GOLGA4: variants seen among roughly 807,000 people sequenced by gnomAD.
The protein encoded by GOLGA4 is golgin A4.
Under a neutral mutation model 265.9 loss-of-function variants are expected in GOLGA4, and 169 were observed. The ratio of observed to expected loss-of-function variants is 0.64; its 90% CI spans 0.56 to 0.72. GOLGA4 has a LOEUF of 0.72. Ranked by LOEUF, GOLGA4 falls within the 30% of genes least tolerant of loss-of-function variation. The pLI is 0.00. For synonymous variants in GOLGA4, 923 were observed against 855.8 expected (o/e 1.08, Z -1.37); for missense variants, 2,482 against 2,483.4 (o/e 1.00, Z 0.01).
rs772238822 is a variant in GOLGA4 at position 37,282,008 on chromosome 3, C to T, written c.213C>T (p.Ser71=). The T allele has an allele frequency of 2.0e-5, 32 of 1,613,968 alleles. 1 individual carries two copies. The highest frequency in any genetic ancestry group is 8.0e-5 in the African/African-American group (6 of 74,924). Residue 71 remains serine (S), a synonymous_variant, in exon 3 of 24, where the codon TCC becomes TCT. Transcript: ENST00000361924. ...FAQKLQLRVP[S]VESLFRSPIK... is the part of the protein sequence containing the mutation. Reference sequence around the variant, plus strand: ...AGAAGCTCCAGCTCCGGGTGCCCTCCGTGGAGTCTTTGTTTCGAAGTCCGA... The same window carrying T: ...AGAAGCTCCAGCTCCGGGTGCCCTCTGTGGAGTCTTTGTTTCGAAGTCCGA...
At chr3:37,243,864 C>T (rs771900454) in intron 1 of GOLGA4, 419 of 543,966 alleles carry the variant, frequency 7.7e-4, no homozygotes, top group Non-Finnish European at 1.2e-3. Context: ...CTGGATCCCT[C>T]GTGACATTCC....
At chr3:37,277,292 T>G (rs925996852) in intron 2 of GOLGA4, among the ~76,000 whole-genome samples, 2 of 152,194 alleles carry the variant, frequency 1.3e-5, no homozygotes, top group Non-Finnish European at 2.9e-5. Flanking sequence ...TCCTGTTAAT[T>G]TACCTGTTTG....
chr3:37,299,040 T>C lies in GOLGA4; in HGVS notation c.1002+20T>C. 6.5e-7 allele frequency: 1 copy of C among 1,548,382 alleles called. No individual in the cohort carries two copies. Among genetic ancestry groups the C allele is most frequent in the Non-Finnish European group, 8.7e-7 (1 of 1,144,918 alleles). On this transcript the variant is annotated intron_variant, in intron 8 of 23. Transcript: ENST00000361924. ...ATAAAGGTAAAAGAGCAGATGAGTT[T>C]TGTTCTAATTTAATCTATAAAGTTA... is the stretch of plus-strand genomic sequence containing the variant.
chr3:37,343,783 A>G (rs2097046971), intron 20 of GOLGA4, among the ~76,000 whole-genome samples: 1 of 152,204 alleles, frequency 6.6e-6, no homozygotes. Flanking sequence ...CTTTGCATGG[A>G]CAATAGTACT....
chr3:37,269,098 T>G (rs1157579460), intron 2 of GOLGA4, among the ~76,000 whole-genome samples: 3 of 152,222 alleles, frequency 2.0e-5, no homozygotes, highest in Non-Finnish European at 4.4e-5. Context: ...CAATATGTAA[T>G]TGAAGACAAG....
chr3:37,339,083 C>T (rs541714055), intron 19 of GOLGA4, among the ~76,000 whole-genome samples: 17 of 152,092 alleles, frequency 1.1e-4, no homozygotes, highest in South Asian at 2.1e-4. Context: ...AGGATGGTTT[C>T]GATCTCCTGA....
intron 1 of GOLGA4, chr3:37,250,067 G>T (rs1035123379): frequency 2.0e-5 from 3 of 152,208 alleles, no homozygotes; most frequent in Non-Finnish European, 4.4e-5. Flanking sequence ...GATTGGGTTA[G>T]TAAGTTTTCT....
intron 1 of GOLGA4, among the ~76,000 whole-genome samples, chr3:37,244,740 C>T (rs962394457): frequency 6.6e-6 from 1 of 152,202 alleles, no homozygotes. Flanking sequence ...TGTAGTAAAA[C>T]AGTGCTTGAG....
At position 37,340,022 on chromosome 3, in the gene GOLGA4, T is replaced by G. The variant is rs150794780; in HGVS notation, c.6397-102T>G. 1,908 of 553,872 alleles carry G rather than the reference T, an allele frequency of 3.4e-3. 39 individuals carry two copies. Among genetic ancestry groups the G allele is most frequent in the African/African-American group, 0.033 (1,672 of 50,466 alleles). The allele number at this position is 553,872 out of a possible 1,614,324, so 34.3% of individuals were successfully genotyped here. Reference sequence around the variant, plus strand: ...GTCTTAATTTTATTTGCCTATATTCTGTCTTCAGCATTAAAAAACCTTGTG... The same window carrying G: ...GTCTTAATTTTATTTGCCTATATTCGGTCTTCAGCATTAAAAAACCTTGTG... On this transcript the variant is annotated intron_variant, in intron 19 of 23. Coordinates refer to ENST00000361924, the MANE Select transcript of GOLGA4 (RefSeq NM_002078.5).
intron 22 of GOLGA4, among the ~76,000 whole-genome samples, chr3:37,356,883 T>C (rs2097092285): frequency 6.6e-6 from 1 of 152,192 alleles, no homozygotes; most frequent in Non-Finnish European, 1.5e-5. Flanking sequence ...ACTTTACTTC[T>C]ACTGCATTTT....
chr3:37,255,253 C>T (rs1365171584), intron 2 of GOLGA4, among the ~76,000 whole-genome samples: 1 of 151,948 alleles, frequency 6.6e-6, no homozygotes, highest in Non-Finnish European at 1.5e-5. Flanking sequence ...CTCCACCTCC[C>T]GGGTTCAAGC....
At position 37,323,743 on chromosome 3, in the gene GOLGA4, T is replaced by C. The variant is rs751210186; in HGVS notation, c.1857T>C (p.Leu619=). The C allele has an allele frequency of 6.2e-7, 1 of 1,613,854 alleles. No individual in the cohort carries two copies. The highest frequency in any genetic ancestry group is 1.1e-5 in the South Asian group (1 of 90,962). The change falls in exon 14 of 24, where the codon CTT becomes CTC. Residue 619 remains leucine (L), a synonymous_variant. Coordinates refer to ENST00000361924, the MANE Select transcript of GOLGA4 (RefSeq NM_002078.5). ...VEKHKTELES[L]KHQQDALWTE... is the part of the protein sequence containing the mutation. ...AACACAAGACAGAATTGGAAAGCCT[T>C]AAGCATCAGCAGGATGCCCTTTGGA... is the stretch of plus-strand genomic sequence containing the variant.
At chr3:37,262,622 G>A (rs1465380852) in intron 2 of GOLGA4, among the ~76,000 whole-genome samples, 2 of 152,076 alleles carry the variant, frequency 1.3e-5, no homozygotes, top group African/African-American at 2.4e-5. Flanking sequence ...GAACACTGTG[G>A]CTAGGCCTGA....
intron 16 of GOLGA4, among the ~76,000 whole-genome samples, chr3:37,329,886 T>C (rs903744323): frequency 5.7e-4 from 87 of 152,186 alleles, no homozygotes; most frequent in African/African-American, 2.0e-3. Flanking sequence ...AATCTTTTGG[T>C]GATTAAGAAT....
At chr3:37,299,042 G>T in intron 8 of GOLGA4, 22 bp downstream of exon 8, 1 of 1,550,126 alleles carries the variant, frequency 6.5e-7, no homozygotes, top group Non-Finnish European at 8.7e-7. Context: ...GATGAGTTTT[G>T]TTCTAATTTA....
intron 2 of GOLGA4, among the ~76,000 whole-genome samples, chr3:37,274,847 A>AG (rs1285171247): frequency 6.6e-6 from 1 of 152,170 alleles, no homozygotes; most frequent in Non-Finnish European, 1.5e-5. Flanking sequence ...GCATGAGTCT[A>AG]GACAAGTTGA....
In GOLGA4 at chr3:37,341,693, T is replaced by G. The variant is rs557047261; in HGVS notation, c.6472+1494T>G. 7.9e-5 allele frequency: 12 copies of G among 152,304 alleles called. No homozygotes were observed. In the South Asian group the frequency reaches 2.3e-3, roughly 29 times the overall value. The allele number at this position is 152,304 out of a possible 1,614,324, so 9.4% of individuals were successfully genotyped here. A position where few individuals can be genotyped will look rare whatever the true frequency, so the allele number is the denominator to read the frequency against. ...TGAATGCTCCCAATCTCATCTGATCTCAGAAGTTAAGCAGGGTCAGGCCTG... is the reference window on the plus strand; with the variant it reads ...TGAATGCTCCCAATCTCATCTGATCGCAGAAGTTAAGCAGGGTCAGGCCTG... On this transcript the variant is annotated intron_variant, in intron 20 of 23. Coordinates refer to ENST00000361924, the MANE Select transcript of GOLGA4 (RefSeq NM_002078.5).
chr3:37,301,521 G>T (rs1297042045), intron 9 of GOLGA4, among the ~76,000 whole-genome samples: 10 of 152,290 alleles, frequency 6.6e-5, no homozygotes, highest in African/African-American at 2.4e-4. Context: ...GCCAAGCCAG[G>T]TTCAGAAGAC....
At chr3:37,301,309 G>A (rs1249112206) in intron 9 of GOLGA4, among the ~76,000 whole-genome samples, 1 of 152,190 alleles carries the variant, frequency 6.6e-6, no homozygotes, top group African/African-American at 2.4e-5. Context: ...GAAGTAACTA[G>A]CAAGTTGGAG....
Sources: allele counts gnomAD v4.1 joint callset (sites outside exome capture counted in the v4.1 genomes callset), GRCh38; gene constraint gnomAD v4.1.1; transcripts MANE v1.5; gene names NCBI Gene and HGNC (gene_info 2026-07-23, HGNC 2026-07-21).